MACROD2: variants seen among roughly 807,000 people sequenced by gnomAD.
MACROD2 encodes mono-ADP ribosylhydrolase 2.
A neutral mutation model predicts 70.4 loss-of-function variants in MACROD2; 36 were observed. The observed-to-expected ratio is 0.51, with a 90% CI of 0.39 to 0.68. MACROD2 has a LOEUF of 0.68. MACROD2 is among the 30% of genes least tolerant of loss of function. The probability of loss-of-function intolerance (pLI) is 0.00; values close to 1 mark genes in which losing one functional copy is unlikely to be tolerated. For missense variants in MACROD2, 496 were observed against 538.4 expected, an observed-to-expected ratio of 0.92 and a Z score of 0.78; for synonymous variants, 172 against 178.8, an observed-to-expected ratio of 0.96 and a Z score of 0.30.
chr20:15,461,006 A>ATATATATATATATTTTTTTTTTTTTTT, intron 7 of MACROD2, among the ~76,000 whole-genome samples: 1 of 66,990 alleles, frequency 1.5e-5, no homozygotes, highest in African/African-American at 4.2e-5. Context: ...ATATATATAT[A>ATATATATATATATTTTTTTTTTTTTTT]TTTTTTTTTA....
intron 5 of MACROD2, among the ~76,000 whole-genome samples, chr20:14,962,437 T>G (rs2074591731): frequency 6.9e-6 from 1 of 143,956 alleles, no homozygotes; most frequent in Non-Finnish European, 1.5e-5. Context: ...TACACACACA[T>G]ATATATAGTA....
At chr20:15,124,924 A>G (rs1428683405) in intron 5 of MACROD2, among the ~76,000 whole-genome samples, 1 of 151,974 alleles carries the variant, frequency 6.6e-6, no homozygotes, top group Non-Finnish European at 1.5e-5. Flanking sequence ...ACACAAGTTC[A>G]TTATATTTCG....
chr20:14,968,563 T>A (rs1327739619), intron 5 of MACROD2, among the ~76,000 whole-genome samples: 1 of 152,196 alleles, frequency 6.6e-6, no homozygotes, highest in Non-Finnish European at 1.5e-5. Flanking sequence ...GACGTGATTC[T>A]CCTGTTGGCT....
At chr20:14,976,923 A>C (rs2074745246) in intron 5 of MACROD2, among the ~76,000 whole-genome samples, 1 of 149,276 alleles carries the variant, frequency 6.7e-6, no homozygotes, top group Admixed American at 6.6e-5. Context: ...TTATTCCTGC[A>C]ATTATTTTAT....
intron 15 of MACROD2, among the ~76,000 whole-genome samples, chr20:16,029,753 T>C (rs1000169188): frequency 3.3e-5 from 5 of 152,178 alleles, no homozygotes; most frequent in African/African-American, 9.7e-5. Flanking sequence ...TTACTCAGTC[T>C]TTCCCCAGAG....
At chr20:15,563,461 G>C (rs1032825145) in intron 8 of MACROD2, among the ~76,000 whole-genome samples, 1 of 152,198 alleles carries the variant, frequency 6.6e-6, no homozygotes, top group Admixed American at 6.5e-5. Flanking sequence ...TACTCTTCAT[G>C]CTTGCATTCA....
intron 15 of MACROD2, among the ~76,000 whole-genome samples, chr20:15,998,304 GT>G (rs2066659786): frequency 6.6e-6 from 1 of 152,088 alleles, no homozygotes; most frequent in South Asian, 2.1e-4. Context: ...AAGTAATCTG[GT>G]TGTGGGCTTT....
At chr20:14,947,840 C>T (rs1302970778) in intron 5 of MACROD2, among the ~76,000 whole-genome samples, 1 of 152,138 alleles carries the variant, frequency 6.6e-6, no homozygotes, top group Non-Finnish European at 1.5e-5. Flanking sequence ...GGATTACATC[C>T]TTCAACCTTG....
At chr20:14,523,539 C>T (rs1289741424) in intron 4 of MACROD2, 4 of 152,168 alleles carry the variant, frequency 2.6e-5, no homozygotes, top group Non-Finnish European at 5.9e-5. Flanking sequence ...TAAACATTTT[C>T]TCATCTTTTC....
chr20:15,519,506 G>T (rs1005608278), intron 8 of MACROD2, among the ~76,000 whole-genome samples: 3 of 152,150 alleles, frequency 2.0e-5, no homozygotes, highest in Non-Finnish European at 2.9e-5. Context: ...ATGAGTGTGA[G>T]AATTTCTGTA....
chr20:14,716,877 G>A (rs1169746128), intron 5 of MACROD2, among the ~76,000 whole-genome samples: 1 of 152,084 alleles, frequency 6.6e-6, no homozygotes, highest in Admixed American at 6.6e-5. Context: ...AAGGAACCTG[G>A]CATATTAATT....
intron 8 of MACROD2, among the ~76,000 whole-genome samples, chr20:15,507,340 C>T (rs1274471559): frequency 6.6e-6 from 1 of 150,998 alleles, no homozygotes; most frequent in Non-Finnish European, 1.5e-5. Flanking sequence ...CTCCCAATTC[C>T]CTCCTCCCTT....
intron 5 of MACROD2, among the ~76,000 whole-genome samples, chr20:14,878,085 A>C (rs1253602616): frequency 6.6e-6 from 1 of 152,138 alleles, no homozygotes; most frequent in Non-Finnish European, 1.5e-5. Flanking sequence ...CTGTAAGCGT[A>C]ATTTTGCAAA....
chr20:14,034,361 T>G (rs2148634465), intron 2 of MACROD2, among the ~76,000 whole-genome samples: 1 of 152,340 alleles, frequency 6.6e-6, no homozygotes, highest in East Asian at 1.9e-4. Context: ...TTCATAAGCA[T>G]TTTGATTATA....
At chr20:14,613,800 A>G in intron 4 of MACROD2, among the ~76,000 whole-genome samples, 1 of 152,278 alleles carries the variant, frequency 6.6e-6, no homozygotes, top group African/African-American at 2.4e-5. Context: ...ACAATTAAAT[A>G]AAAATCCACT....
chr20:15,479,563 G>A lies in MACROD2; in HGVS notation c.572-20211G>A, dbSNP rs181934198. On this transcript the variant is annotated intron_variant, in intron 7 of 17. Transcript: ENST00000684519. Reference sequence around the variant, plus strand: ...GCTGGGATTACAGGCGTGAGCCACCGCGCCCGGCCTAGATTCTCTCTCTTA... The same window carrying A: ...GCTGGGATTACAGGCGTGAGCCACCACGCCCGGCCTAGATTCTCTCTCTTA... Among the ~76,000 whole-genome samples, 103 of 152,148 alleles carry A rather than the reference G, an allele frequency of 6.8e-4. 2 individuals are homozygous for A. Among genetic ancestry groups the A allele is most frequent in the African/African-American group, 2.3e-3 (95 of 41,476 alleles).
At chr20:15,363,671 T>C (rs988044107) in intron 6 of MACROD2, among the ~76,000 whole-genome samples, 4 of 152,148 alleles carry the variant, frequency 2.6e-5, no homozygotes, top group Non-Finnish European at 5.9e-5. Context: ...CATGCTCAGA[T>C]TGTATTGCTG....
intron 5 of MACROD2, among the ~76,000 whole-genome samples, chr20:15,004,964 G>A (rs1311236494): frequency 6.6e-6 from 1 of 152,144 alleles, no homozygotes; most frequent in Non-Finnish European, 1.5e-5. Context: ...ATTGTGGCGA[G>A]TAAGGAGGAA....
chr20:15,632,408 C>T (rs945357273), intron 8 of MACROD2, among the ~76,000 whole-genome samples: 11 of 152,160 alleles, frequency 7.2e-5, no homozygotes, highest in Admixed American at 3.9e-4. Flanking sequence ...ACAAGTTTAG[C>T]GGCGAGGGGG....
Sources: allele counts gnomAD v4.1 joint callset (sites outside exome capture counted in the v4.1 genomes callset), GRCh38; gene constraint gnomAD v4.1.1; transcripts MANE v1.5; gene names NCBI Gene and HGNC (gene_info 2026-07-23, HGNC 2026-07-21).